The following UTRN variants were observed in gnomAD, a reference collection of about 807,000 sequenced individuals.
The protein encoded by UTRN is dystrophin-related protein 1.
A neutral mutation model predicts 463.9 loss-of-function variants in UTRN; 283 were observed. The ratio of observed to expected loss-of-function variants is 0.61; its 90% confidence interval spans 0.55 to 0.67. The LOEUF is 0.67. UTRN is among the 30% of genes least tolerant of loss of function. The probability of loss-of-function intolerance (pLI) is 0.00; values close to 1 mark genes in which losing one functional copy is unlikely to be tolerated. For missense variants in UTRN, 3,922 were observed against 4,084.3 expected (o/e 0.96, Z 1.08); for synonymous variants, 1,442 against 1,431.5 (o/e 1.01, Z -0.17).
intron 65 of UTRN, among the ~76,000 whole-genome samples, chr6:144,819,752 G>A (rs1361731927): frequency 6.6e-6 from 1 of 152,178 alleles, no homozygotes; most frequent in Non-Finnish European, 1.5e-5. Flanking sequence ...GGGCATGCAT[G>A]TTGTGAAGGA....
chr6:144,567,186 A>G (rs1800485362), intron 50 of UTRN, among the ~76,000 whole-genome samples: 3 of 152,110 alleles, frequency 2.0e-5, no homozygotes, highest in Admixed American at 6.6e-5. Context: ...CCCTATGGAA[A>G]CTGGTTTCAG....
intron 55 of UTRN, among the ~76,000 whole-genome samples, chr6:144,750,463 A>G (rs895425869): frequency 5.3e-5 from 8 of 152,208 alleles, no homozygotes; most frequent in Non-Finnish European, 8.8e-5. Flanking sequence ...CTTACTTTAC[A>G]CATGTTGACT....
chr6:144,516,498 A>T (rs1795619201), intron 38 of UTRN, 111 bp downstream of exon 38: 6 of 1,253,442 alleles, frequency 4.8e-6, no homozygotes, highest in Non-Finnish European at 6.6e-6. Flanking sequence ...GATGAAACAG[A>T]TTCAAATGTG....
At chr6:144,718,714 A>G (rs1478750395) in intron 53 of UTRN, among the ~76,000 whole-genome samples, 1 of 152,190 alleles carries the variant, frequency 6.6e-6, no homozygotes, top group Non-Finnish European at 1.5e-5. Flanking sequence ...AGTATTTTTA[A>G]CATCTCCTCC....
At chr6:144,396,310 A>T (rs2114779212) in intron 2 of UTRN, among the ~76,000 whole-genome samples, 1 of 152,340 alleles carries the variant, frequency 6.6e-6, no homozygotes, top group East Asian at 1.9e-4. Context: ...CACTTACATG[A>T]CATATCTTAA....
intron 62 of UTRN, 109 bp downstream of exon 62, chr6:144,789,388 CT>C: frequency 5.3e-6 from 5 of 938,374 alleles, no homozygotes; most frequent in Non-Finnish European, 6.2e-6. Flanking sequence ...AGTTCTCTCT[CT>C]TTTTTTAACC....
intron 2 of UTRN, among the ~76,000 whole-genome samples, chr6:144,336,943 A>G (rs1489560917): frequency 1.3e-5 from 2 of 152,140 alleles, no homozygotes; most frequent in East Asian, 1.9e-4. Context: ...TGGCCCTGGC[A>G]GATTGGACCC....
At chr6:144,739,650 C>T (rs1789831396) in intron 54 of UTRN, among the ~76,000 whole-genome samples, 1 of 152,142 alleles carries the variant, frequency 6.6e-6, no homozygotes, top group South Asian at 2.1e-4. Context: ...CGTAGCTGAC[C>T]ACAGGGACTG....
At chr6:144,775,528 T>C (rs2128735246) in intron 60 of UTRN, among the ~76,000 whole-genome samples, 1 of 152,306 alleles carries the variant, frequency 6.6e-6, no homozygotes, top group South Asian at 2.1e-4. Flanking sequence ...CACCACGCTC[T>C]GGCTACTGAT....
intron 60 of UTRN, among the ~76,000 whole-genome samples, chr6:144,775,363 G>T (rs1775230702): frequency 6.6e-6 from 1 of 152,134 alleles, no homozygotes; most frequent in South Asian, 2.1e-4. Flanking sequence ...TGGAAGAGAA[G>T]TCTACAGGGC....
chr6:144,665,966 C>G (rs1351270181), intron 51 of UTRN, among the ~76,000 whole-genome samples: 1 of 152,152 alleles, frequency 6.6e-6, no homozygotes, highest in African/African-American at 2.4e-5. Flanking sequence ...ATGTTAAATG[C>G]TTGGAAGAGC....
intron 51 of UTRN, among the ~76,000 whole-genome samples, chr6:144,639,490 CT>C (rs1777541522): frequency 6.6e-6 from 1 of 152,186 alleles, no homozygotes; most frequent in Non-Finnish European, 1.5e-5. Flanking sequence ...TTATATGCAA[CT>C]GCTCACTGGA....
Position 144,440,532 on chromosome 6 carries a change from A to G in UTRN, c.1512+61A>G, listed in dbSNP as rs115980196. ...CCTGTGGTCTGAGACCCAATTACAT[A>G]TTGCCCTTGTTCTTCATGTCCTTTC... On this transcript the variant is annotated intron_variant, in intron 13 of 74. Transcript: ENST00000367545. The G allele has an allele frequency of 1.9e-5, 31 of 1,604,404 alleles. No individual in the cohort carries two copies. The African/African-American group carries it at 3.7e-4, about 19-fold the overall frequency.
intron 39 of UTRN, among the ~76,000 whole-genome samples, chr6:144,518,238 G>C (rs1475729295): frequency 6.6e-6 from 1 of 152,068 alleles, no homozygotes; most frequent in Non-Finnish European, 1.5e-5. Context: ...CTTCCTCACA[G>C]TTATTCTCCC....
chr6:144,577,234 G>T lies in UTRN; in HGVS notation c.7425G>T (p.Arg2475=), dbSNP rs1801525478. 6.2e-7 allele frequency: 1 copy of T among 1,613,812 alleles called. No homozygotes were observed. Among genetic ancestry groups the T allele is most frequent in the African/African-American group, 1.3e-5 (1 of 74,902 alleles). ...TVNVLVDASH[R]ENALQDSILA... ...ATGTGCTTGTGGATGCCTCTCATCG[G>T]GAGAATGCTCTTCAGGATAGTATCT... Residue 2475 remains arginine (R), a synonymous_variant, in exon 51 of 75, where the codon CGG becomes CGT. Transcript: ENST00000367545.
At chr6:144,559,185 A>C (rs1328012367) in intron 50 of UTRN, among the ~76,000 whole-genome samples, 1 of 152,092 alleles carries the variant, frequency 6.6e-6, no homozygotes, top group Non-Finnish European at 1.5e-5. Context: ...GGAAGAGGCA[A>C]TTAAAAATGA....
At chr6:144,680,485 TA>T (rs1253946577) in intron 52 of UTRN, among the ~76,000 whole-genome samples, 1 of 152,330 alleles carries the variant, frequency 6.6e-6, no homozygotes, top group African/African-American at 2.4e-5. Context: ...TAAAATGTAA[TA>T]ATAAATTAAT....
chr6:144,564,057 T>C (rs1033400325), intron 50 of UTRN, among the ~76,000 whole-genome samples: 2 of 152,186 alleles, frequency 1.3e-5, no homozygotes, highest in East Asian at 3.8e-4. Context: ...AGTATTTATT[T>C]AGCTTCCTAT....
chr6:144,672,465 G>C, intron 51 of UTRN, among the ~76,000 whole-genome samples: 1 of 151,568 alleles, frequency 6.6e-6, no homozygotes, highest in Non-Finnish European at 1.5e-5. Context: ...CATTGTTCAT[G>C]GTAGCCTTGA....
Sources: gnomAD v4.1 joint callset for allele counts (sites outside exome capture counted in the v4.1 genomes callset) on GRCh38, gnomAD v4.1.1 for gene constraint, MANE v1.5 for transcripts, NCBI Gene and HGNC (gene_info 2026-07-23, HGNC 2026-07-21) for gene names.